Variants in TMOD1 observed in about 807,000 individuals in gnomAD.
TMOD1 encodes the protein tropomodulin 1, also known as tropomodulin-1.
In TMOD1, 17 loss-of-function variants were observed where a neutral mutation model predicts 40.6. That is an observed-to-expected ratio of 0.42 (90% CI 0.29 to 0.63). TMOD1 has a LOEUF of 0.63. TMOD1 is among the 20% of genes least tolerant of loss of function. TMOD1 has a pLI of 0.22. For missense variants in TMOD1, 391 were observed against 447.6 expected (o/e 0.87, Z 1.14); for synonymous variants, 181 against 175.0 (o/e 1.03, Z -0.27).
chr9:97,576,263 A>C (rs532789413), intron 8 of TMOD1, among the ~76,000 whole-genome samples: 1 of 152,262 alleles, frequency 6.6e-6, no homozygotes, highest in South Asian at 2.1e-4. Flanking sequence ...CAACATAGCA[A>C]GACCCCATCT....
At position 97,575,267 on chromosome 9, in the gene TMOD1, G is replaced by A. The variant is rs550368929; in HGVS notation, c.870+6230G>A. ...TAAGAGCTGTAACACTCACCGCGAAGGCCTGCAGCTTCACTCCTGATCCAG... is the reference window on the plus strand; with the variant it reads ...TAAGAGCTGTAACACTCACCGCGAAAGCCTGCAGCTTCACTCCTGATCCAG... On this transcript the variant is annotated intron_variant, in intron 8 of 9. Transcript: ENST00000259365. 1.1e-3 allele frequency among the ~76,000 whole-genome samples: 165 copies of A among 152,248 alleles called. 1 individual carries two copies. The highest frequency in any genetic ancestry group is 3.9e-3 in the African/African-American group (162 of 41,532).
intron 8 of TMOD1, among the ~76,000 whole-genome samples, chr9:97,573,079 G>C (rs1453139290): frequency 6.6e-6 from 1 of 152,224 alleles, no homozygotes; most frequent in Non-Finnish European, 1.5e-5. Flanking sequence ...AGCTCGGTTG[G>C]AGCTGCAGTA....
At chr9:97,520,290 T>C (rs766022098) in intron 1 of TMOD1, among the ~76,000 whole-genome samples, 8 of 152,180 alleles carry the variant, frequency 5.3e-5, no homozygotes, top group Non-Finnish European at 1.2e-4. Flanking sequence ...ACAAGTCCTA[T>C]GAAGCTCAGG....
intron 8 of TMOD1, among the ~76,000 whole-genome samples, chr9:97,587,528 A>G (rs985695071): frequency 1.3e-5 from 2 of 151,900 alleles, no homozygotes; most frequent in Admixed American, 1.3e-4. Flanking sequence ...CTCTTCAGTG[A>G]ATGTCTCTTC....
At chr9:97,579,069 G>A (rs1273787374) in intron 8 of TMOD1, among the ~76,000 whole-genome samples, 1 of 152,176 alleles carries the variant, frequency 6.6e-6, no homozygotes, top group African/African-American at 2.4e-5. Flanking sequence ...AGCATTCTCA[G>A]GAGCCTTGCC....
intron 4 of TMOD1, chr9:97,555,427 C>T (rs1365006467): frequency 7.2e-7 from 1 of 1,391,538 alleles, no homozygotes. Context: ...CCGGCGCCTG[C>T]GGTTCCTGTG....
At chr9:97,591,140 TC>T (rs111553572) in intron 8 of TMOD1, 150 bp from the exon 9 acceptor site, 18 of 827,350 alleles carry the variant, frequency 2.2e-5, no homozygotes, top group African/African-American at 2.1e-4. Context: ...CCTTTCAACT[TC>T]TCTAAACTTC....
chr9:97,549,963 T>C (rs2131251402), intron 3 of TMOD1, among the ~76,000 whole-genome samples: 1 of 152,288 alleles, frequency 6.6e-6, no homozygotes, highest in Middle Eastern at 3.4e-3. Context: ...ATCCACAACA[T>C]TGTGCAACCA....
At position 97,561,930 on chromosome 9, in the gene TMOD1, T is replaced by C. The variant is rs549768538; in HGVS notation, c.398-802T>C. Among the ~76,000 whole-genome samples the C allele has an allele frequency of 3.3e-5, 5 of 152,296 alleles. No individual in the cohort carries two copies. In the South Asian group the frequency reaches 1.0e-3, roughly 32 times the overall value. The stretch of plus-strand genomic sequence containing the variant: ...TTATGCTGTCTTAGGACTGAACTTT[T>C]TCCTCTACCACACTCAGCATACCCT... On this transcript the variant is annotated intron_variant, in intron 4 of 9. Transcript: ENST00000259365.
At chr9:97,503,510 G>A (rs1228986253) in intron 1 of TMOD1, among the ~76,000 whole-genome samples, 1 of 152,202 alleles carries the variant, frequency 6.6e-6, no homozygotes, top group Non-Finnish European at 1.5e-5. Flanking sequence ...CAGGCAGAGT[G>A]AAAACAAGAA....
intron 2 of TMOD1, among the ~76,000 whole-genome samples, chr9:97,524,897 G>A (rs1249913007): frequency 6.6e-6 from 1 of 151,846 alleles, no homozygotes; most frequent in Non-Finnish European, 1.5e-5. Flanking sequence ...GTGTTACTCA[G>A]TCTACTGATT....
At chr9:97,582,632 G>T (rs1421986988) in intron 8 of TMOD1, among the ~76,000 whole-genome samples, 1 of 99,300 alleles carries the variant, frequency 1.0e-5, no homozygotes, top group Non-Finnish European at 1.9e-5. Context: ...CTACCCATGA[G>T]CATGGAATGT....
rs1826241720 is a variant in TMOD1 at position 97,600,864 on chromosome 9, A to T, written c.*1166A>T. 9.1e-7 allele frequency: 1 copy of T among 1,098,604 alleles called. No homozygotes were observed. Among genetic ancestry groups the T allele is most frequent in the East Asian group, 8.1e-5 (1 of 12,396 alleles). 68.1% of individuals were successfully genotyped at this position (1,098,604 alleles called of 1,614,324 possible). A position where few individuals can be genotyped will look rare whatever the true frequency, so the allele number is the denominator to read the frequency against. ...GGATCCAGCAAAAGTGTTAAGCCAC[A>T]ATGCCCTTGTGCCTTTTAATATACC... On this transcript the variant is annotated 3_prime_UTR_variant, in exon 10 of 10. Transcript: ENST00000259365.
chr9:97,514,485 G>A (rs1224068964), intron 1 of TMOD1, among the ~76,000 whole-genome samples: 1 of 152,014 alleles, frequency 6.6e-6, no homozygotes, highest in Non-Finnish European at 1.5e-5. Context: ...TATGTGCCAG[G>A]GCTCAGAACC....
intron 2 of TMOD1, 126 bp from the exon 3 acceptor site, chr9:97,546,059 G>A: frequency 1.8e-6 from 2 of 1,128,190 alleles, no homozygotes; most frequent in Non-Finnish European, 1.2e-6. Flanking sequence ...TGGATTCCAT[G>A]AGCTCTGAGG....
chr9:97,589,602 G>A (rs1279966811), intron 8 of TMOD1, among the ~76,000 whole-genome samples: 1 of 151,904 alleles, frequency 6.6e-6, no homozygotes, highest in African/African-American at 2.4e-5. Context: ...TTTGTGTAGG[G>A]GTGTGTGTGT....
intron 4 of TMOD1, among the ~76,000 whole-genome samples, chr9:97,559,808 T>A (rs1251316102): frequency 1.5e-4 from 6 of 39,882 alleles, no homozygotes; most frequent in South Asian, 1.4e-3. Context: ...TATATATATA[T>A]ATATATATAT....
At chr9:97,587,469 G>A (rs535280194) in intron 8 of TMOD1, among the ~76,000 whole-genome samples, 1 of 152,226 alleles carries the variant, frequency 6.6e-6, no homozygotes, top group African/African-American at 2.4e-5. Flanking sequence ...TCTGTGATAG[G>A]TCATGATGTT....
At chr9:97,501,257 T>C (rs1441168911), upstream of TMOD1, 2 of 152,122 alleles carry the variant, frequency 1.3e-5, no homozygotes, top group Non-Finnish European at 2.9e-5. Flanking sequence ...GGAGCGGCGC[T>C]TCAATCAGAG....
Sources: gnomAD v4.1 joint callset for allele counts (sites outside exome capture counted in the v4.1 genomes callset) on GRCh38, gnomAD v4.1.1 for gene constraint, MANE v1.5 for transcripts, NCBI Gene and HGNC (gene_info 2026-07-23, HGNC 2026-07-21) for gene names.